The following CEP85L variants were observed in gnomAD, a reference collection of about 807,000 sequenced individuals.
The protein encoded by CEP85L is centrosomal protein of 85 kDa-like.
In CEP85L, 60 loss-of-function variants were observed where a neutral mutation model predicts 100.3. The ratio of observed to expected loss-of-function variants is 0.60; its 90% CI spans 0.49 to 0.74. The LOEUF (loss-of-function observed/expected upper bound fraction) is 0.74. Among genes scored for constraint, CEP85L ranks in the 30% least tolerant of loss-of-function variants. The probability of loss-of-function intolerance (pLI) is 0.00; values close to 1 mark genes in which losing one functional copy is unlikely to be tolerated. For synonymous variants in CEP85L, 319 were observed against 322.7 expected, an observed-to-expected ratio of 0.99 and a Z score of 0.12; for missense variants, 973 against 936.2, an observed-to-expected ratio of 1.04 and a Z score of -0.51.
At chr6:118,614,961 TTC>T (rs1485078247) in intron 2 of CEP85L, among the ~76,000 whole-genome samples, 2 of 152,234 alleles carry the variant, frequency 1.3e-5, no homozygotes, top group African/African-American at 2.4e-5. Context: ...CTAAACTTAT[TTC>T]TGTGTTCTAT....
At chr6:118,487,354 T>A (rs1219754553) in intron 6 of CEP85L, among the ~76,000 whole-genome samples, 2 of 152,138 alleles carry the variant, frequency 1.3e-5, no homozygotes, top group Non-Finnish European at 2.9e-5. Context: ...AGAATTTGAT[T>A]TATATTTTAA....
At chr6:118,648,794 T>C (rs1226576964) in intron 1 of CEP85L, among the ~76,000 whole-genome samples, 2 of 151,918 alleles carry the variant, frequency 1.3e-5, no homozygotes, top group Non-Finnish European at 2.9e-5. Context: ...GCTTTTCCTT[T>C]AGTCTAGTTA....
chr6:118,467,508 G>A (rs1772617185), intron 12 of CEP85L, among the ~76,000 whole-genome samples: 1 of 152,108 alleles, frequency 6.6e-6, no homozygotes, highest in Admixed American at 6.6e-5. Context: ...CAAATCAACT[G>A]GCTGGTAAAA....
chr6:118,693,967 G>A (rs1777125104), intron 1 of CEP85L, among the ~76,000 whole-genome samples: 2 of 152,098 alleles, frequency 1.3e-5, no homozygotes, highest in Admixed American at 1.3e-4. Context: ...TTGGGCTTCT[G>A]GGGTGAATGG....
chr6:118,676,896 G>A (rs1776501723), intron 1 of CEP85L, among the ~76,000 whole-genome samples: 1 of 152,222 alleles, frequency 6.6e-6, no homozygotes, highest in East Asian at 1.9e-4. Flanking sequence ...ACCGGTGTAA[G>A]ACGATATCTC....
chr6:118,552,449 C>T (rs941527241), intron 3 of CEP85L, among the ~76,000 whole-genome samples: 14 of 151,890 alleles, frequency 9.2e-5, no homozygotes, highest in African/African-American at 1.9e-4. Flanking sequence ...AGGTTCCTTC[C>T]GCACAAGAAT....
At chr6:118,504,983 C>A (rs1001615395) in intron 5 of CEP85L, among the ~76,000 whole-genome samples, 1 of 152,036 alleles carries the variant, frequency 6.6e-6, no homozygotes, top group Non-Finnish European at 1.5e-5. Context: ...AGCGGCTTTA[C>A]TCATAATTGC....
intron 2 of CEP85L, among the ~76,000 whole-genome samples, chr6:118,573,646 A>G (rs1355877506): frequency 6.6e-6 from 1 of 152,180 alleles, no homozygotes; most frequent in Non-Finnish European, 1.5e-5. Flanking sequence ...TAGTCCTCAT[A>G]TTTACCAGTA....
chr6:118,565,025 A>T (rs372206039), intron 3 of CEP85L: 6,580 of 88,848 alleles, frequency 0.074, 278 homozygotes, highest in Middle Eastern at 0.17. Flanking sequence ...CTGATTTATA[A>T]ACCTAAATAA....
chr6:118,485,384 AG>A (rs1292606662), intron 6 of CEP85L, among the ~76,000 whole-genome samples: 1 of 142,094 alleles, frequency 7.0e-6, no homozygotes, highest in South Asian at 2.3e-4. Flanking sequence ...AATTTTTTTC[AG>A]GTCTAATGTA....
intron 3 of CEP85L, 106 bp downstream of exon 3, chr6:118,565,423 G>C (rs904911979): frequency 1.5e-5 from 17 of 1,117,564 alleles, no homozygotes; most frequent in Non-Finnish European, 2.1e-5. Context: ...CAGGGAAAAG[G>C]AAATGCAAAA....
intron 5 of CEP85L, among the ~76,000 whole-genome samples, chr6:118,509,727 A>G (rs534262882): frequency 6.6e-6 from 1 of 152,108 alleles, no homozygotes; most frequent in African/African-American, 2.4e-5. Context: ...ATAGAAGTAT[A>G]TACCACCACA....
In CEP85L at chr6:118,646,316, T is replaced by C. The variant is rs1168712476; in HGVS notation, c.73+4881A>G. ...TAAATTGCTCTTCTTAGAATATTAC[T>C]TTGCCAGTGTAAAATATGAAAATCC... On this transcript the variant is annotated intron_variant, in intron 1 of 12. Coordinates refer to ENST00000368491, the MANE Select transcript of CEP85L (RefSeq NM_001042475.3). 2.0e-5 allele frequency among the ~76,000 whole-genome samples: 3 copies of C among 152,224 alleles called. No homozygotes were observed. The East Asian group carries it at 5.8e-4, about 29-fold the overall frequency.
At chr6:118,647,715 T>C (rs1268597275) in intron 1 of CEP85L, among the ~76,000 whole-genome samples, 1 of 152,176 alleles carries the variant, frequency 6.6e-6, no homozygotes, top group East Asian at 1.9e-4. Flanking sequence ...TTAGCACAAC[T>C]AGGTATTAGG....
chr6:118,531,802 T>A (rs1777308762), intron 3 of CEP85L, among the ~76,000 whole-genome samples: 1 of 151,354 alleles, frequency 6.6e-6, no homozygotes, highest in East Asian at 1.9e-4. Context: ...ATCAAAACCA[T>A]GAGATACCAT....
At chr6:118,660,587 AT>A (rs1201097338) in intron 1 of CEP85L, among the ~76,000 whole-genome samples, 4 of 152,272 alleles carry the variant, frequency 2.6e-5, no homozygotes, top group Non-Finnish European at 5.9e-5. Flanking sequence ...CAAACACTGT[AT>A]TTAGGTTCAC....
intron 5 of CEP85L, among the ~76,000 whole-genome samples, chr6:118,500,675 C>G (rs372214322): frequency 5.3e-5 from 8 of 152,278 alleles, no homozygotes; most frequent in African/African-American, 1.7e-4. Flanking sequence ...ACGTTCACCC[C>G]CTTTGTTCAG....
Position 118,465,399 on chromosome 6 carries a change from A to C in CEP85L, c.*6T>G. 2 of 1,611,770 alleles carry C rather than the reference A, an allele frequency of 1.2e-6. No homozygotes were observed. The highest frequency in any genetic ancestry group is 1.7e-6 in the Non-Finnish European group (2 of 1,178,636). On this transcript the variant is annotated 3_prime_UTR_variant, in exon 13 of 13. Transcript: ENST00000368491. ...AGGTCATTATTGCTGTGGGACTAAC[A>C]CTTGATCACTGAGTAATGCAGTTGT...
At chr6:118,658,608 AAAAT>A (rs1262070594) in intron 1 of CEP85L, among the ~76,000 whole-genome samples, 3 of 152,166 alleles carry the variant, frequency 2.0e-5, no homozygotes, top group Non-Finnish European at 4.4e-5. Flanking sequence ...TGTATTTTTA[AAAAT>A]AAATAAACTT....
Sources: gnomAD v4.1 joint callset for allele counts (sites outside exome capture counted in the v4.1 genomes callset) on GRCh38, gnomAD v4.1.1 for gene constraint, MANE v1.5 for transcripts, NCBI Gene and HGNC (gene_info 2026-07-23, HGNC 2026-07-21) for gene names.